Variants in ATRIP observed in about 807,000 individuals in gnomAD.
ATRIP encodes ATR interacting protein.
Under a neutral mutation model 78.1 loss-of-function variants are expected in ATRIP, and 44 were observed. The ratio of observed to expected loss-of-function variants is 0.56; its 90% CI spans 0.44 to 0.72. ATRIP has a LOEUF of 0.72. Ranked by LOEUF, ATRIP falls within the 30% of genes least tolerant of loss-of-function variation. The pLI is 0.00. For missense variants in ATRIP, 927 were observed against 980.2 expected, an observed-to-expected ratio of 0.95 and a Z score of 0.72; for synonymous variants, 388 against 408.9, an observed-to-expected ratio of 0.95 and a Z score of 0.62.
rs370310292 is a variant in ATRIP, at chr3:48,465,468, C to T, written c.2309-19C>T. The T allele has an allele frequency of 6.2e-7, 1 of 1,612,632 alleles. No individual in the cohort carries two copies. Among genetic ancestry groups the T allele is most frequent in the African/African-American group, 1.3e-5 (1 of 74,890 alleles). On this transcript the variant is annotated intron_variant, in intron 12 of 12. Coordinates refer to ENST00000320211, the MANE Select transcript of ATRIP (RefSeq NM_130384.3). ...GGCACCTTTGGGCCCTCACCAGGAA[C>T]CTCTCCTTTTTGTCTCAGAGGCAGC...
chr3:48,462,472 G>A (rs1174051575), intron 8 of ATRIP, among the ~76,000 whole-genome samples: 1 of 152,172 alleles, frequency 6.6e-6, no homozygotes, highest in Non-Finnish European at 1.5e-5. Context: ...AGGAAGCCGA[G>A]GTGGGTGGAT....
intron 4 of ATRIP, 99 bp from the exon 5 acceptor site, chr3:48,457,160 G>C (rs966776830): frequency 1.3e-5 from 15 of 1,176,630 alleles, no homozygotes; most frequent in Non-Finnish European, 1.7e-5. Flanking sequence ...AAAACACCTA[G>C]ACATGAAAAG....
Position 48,466,133 on chromosome 3 carries a change from G to T in ATRIP, c.*579G>T. Reference sequence around the variant, plus strand: ...CCGGGAGCAGGGGAGTGGGTGTGGGGGGGAACGGATGGTGGTGAGAGGGAC... The same window carrying T: ...CCGGGAGCAGGGGAGTGGGTGTGGGTGGGAACGGATGGTGGTGAGAGGGAC... On this transcript the variant is annotated 3_prime_UTR_variant, in exon 13 of 13. Transcript: ENST00000320211. The T allele has an allele frequency of 2.3e-6, 1 of 430,894 alleles. No homozygotes were observed. Among genetic ancestry groups the T allele is most frequent in the South Asian group, 2.1e-5 (1 of 46,582 alleles). The allele number at this position is 430,894 out of a possible 1,614,324, so 26.7% of individuals were successfully genotyped here.
In ATRIP at chr3:48,447,018, A is replaced by T. The variant is rs981049663; in HGVS notation, c.173A>T (p.Asp58Val). ...GGCGCGCATGGGGACTTCACTGCCG[A>T]CGACCTGGAGGAGCTTGACACCCTC... ...PFGAHGDFTADDLEELDTLAS... is the reference protein window; with the variant it reads ...PFGAHGDFTAVDLEELDTLAS... The change falls in exon 1 of 13, where the codon GAC (aspartate) becomes GTC (valine). Residue 58 changes from aspartate (D) to valine (V), a missense_variant. Asp to Val is a radical substitution (Grantham distance 152, BLOSUM62 -3). Transcript: ENST00000320211. 4 of 1,580,932 alleles carry T rather than the reference A, an allele frequency of 2.5e-6. No homozygotes were observed. Among genetic ancestry groups the T allele is most frequent in the Non-Finnish European group, 3.4e-6 (4 of 1,166,480 alleles).
Position 48,459,866 on chromosome 3 carries a change from T to C in ATRIP, c.1005T>C (p.Ser335=). Residue 335 remains serine, a synonymous_variant, in exon 7 of 13, where the codon AGT becomes AGC. Transcript: ENST00000320211. ...TAAGCCTTTGCCACCTCCTGAGTAG[T>C]AGTTCTGAGTCTCCTGCTGGCACCC... ...SSLSLCHLLS[S]SSESPAGTPL... The C allele has an allele frequency of 6.2e-7, 1 of 1,614,024 alleles. No homozygotes were observed. The highest frequency in any genetic ancestry group is 1.7e-5 in the Admixed American group (1 of 59,984).
At chr3:48,451,065 T>G (rs906820636) in intron 2 of ATRIP, among the ~76,000 whole-genome samples, 1 of 151,798 alleles carries the variant, frequency 6.6e-6, no homozygotes, top group Non-Finnish European at 1.5e-5. Context: ...GGCGGGCACC[T>G]GTAATCTCAG....
chr3:48,449,413 C>CA (rs1297709851), intron 1 of ATRIP, among the ~76,000 whole-genome samples: 3,334 of 59,894 alleles, frequency 0.056, 565 homozygotes, highest in African/African-American at 0.22. Context: ...GACTCTGTCT[C>CA]AAAAAAAAAA....
rs754767686 is a variant in ATRIP, at chr3:48,463,728, G to A, written c.1746-17G>A. ...GGGTTGGGGAGTGTCACGTCTCTCT[G>A]GGTCCCTGTCTTTTAGGTTCCAGTG... is the stretch of plus-strand genomic sequence containing the variant. On this transcript the variant is annotated splice_polypyrimidine_tract_variant and intron_variant, in intron 8 of 12. Transcript: ENST00000320211. 1 of 1,613,948 alleles carries A rather than the reference G, an allele frequency of 6.2e-7. No homozygotes were observed. Among genetic ancestry groups the A allele is most frequent in the Admixed American group, 1.7e-5 (1 of 59,974 alleles).
intron 8 of ATRIP, among the ~76,000 whole-genome samples, chr3:48,462,455 G>A (rs984832479): frequency 2.6e-5 from 4 of 152,170 alleles, no homozygotes; most frequent in Non-Finnish European, 5.9e-5. Flanking sequence ...TGTAATCCCA[G>A]CACTTTAGGA....
chr3:48,454,275 C>T lies in ATRIP; in HGVS notation c.553-25C>T, dbSNP rs201086645. On this transcript the variant is annotated intron_variant, in intron 3 of 12. Coordinates refer to ENST00000320211, the MANE Select transcript of ATRIP (RefSeq NM_130384.3). Reference sequence around the variant, plus strand: ...TTTTGTGTATATGATGGGACCACTACAAGCATGTTTCTTTTGCCTTCCAGC... The same window carrying T: ...TTTTGTGTATATGATGGGACCACTATAAGCATGTTTCTTTTGCCTTCCAGC... 325 of 1,433,066 alleles carry T rather than the reference C, an allele frequency of 2.3e-4. 3 individuals carry two copies. In the South Asian group the frequency reaches 2.3e-3, roughly 10 times the overall value. 88.8% of individuals were successfully genotyped at this position (1,433,066 alleles called of 1,614,324 possible).
In ATRIP at chr3:48,466,284, T is replaced by TGCCTG. The variant is rs1575290754; in HGVS notation, c.*730_*731insGCCTG. The TGCCTG allele has an allele frequency of 7.4e-6, 5 of 671,438 alleles. No individual in the cohort carries two copies. In the East Asian group the frequency reaches 1.4e-4, roughly 18 times the overall value. 41.6% of individuals were successfully genotyped at this position (671,438 alleles called of 1,614,324 possible). On this transcript the variant is annotated 3_prime_UTR_variant, in exon 13 of 13. Coordinates refer to ENST00000320211, the MANE Select transcript of ATRIP (RefSeq NM_130384.3). ...GCGGGAGAGTGTGCAGCCGAGTCACTACTGCCTGCCTGCCTGCCTGCTACG... is the reference window on the plus strand; with the variant it reads ...GCGGGAGAGTGTGCAGCCGAGTCACTGCCTGACTGCCTGCCTGCCTGCCTGCTACG...
At position 48,467,266 on chromosome 3, in the gene ATRIP, T is replaced by C; in HGVS notation, c.*1712T>C. On this transcript the variant is annotated 3_prime_UTR_variant, in exon 13 of 13. Transcript: ENST00000320211. Reference sequence around the variant, plus strand: ...ACGGCTGAGGGTGATGTCCTGGCCCTGCTCAGCATCTGTCAGTGGAGACCA... The same window carrying C: ...ACGGCTGAGGGTGATGTCCTGGCCCCGCTCAGCATCTGTCAGTGGAGACCA... 6.2e-7 allele frequency: 1 copy of C among 1,614,180 alleles called. No individual in the cohort carries two copies. The highest frequency in any genetic ancestry group is 8.5e-7 in the Non-Finnish European group (1 of 1,180,030).
rs962768303 is a variant in ATRIP at position 48,465,580 on chromosome 3, G to A, written c.*26G>A. 1 of 1,590,128 alleles carries A rather than the reference G, an allele frequency of 6.3e-7. No homozygotes were observed. Among genetic ancestry groups the A allele is most frequent in the South Asian group, 1.1e-5 (1 of 90,488 alleles). On this transcript the variant is annotated 3_prime_UTR_variant, in exon 13 of 13. Coordinates refer to ENST00000320211, the MANE Select transcript of ATRIP (RefSeq NM_130384.3). ...GGCCCTGAGTGTCCAGCCACATGGTGGCACCAGCACCACTCCTTTCCTTAC... is the reference window on the plus strand; with the variant it reads ...GGCCCTGAGTGTCCAGCCACATGGTAGCACCAGCACCACTCCTTTCCTTAC...
chr3:48,449,457 AC>A (rs1475348293), intron 1 of ATRIP, among the ~76,000 whole-genome samples: 25 of 147,826 alleles, frequency 1.7e-4, no homozygotes, highest in Non-Finnish European at 3.1e-4. Context: ...ATGAGTTTGA[AC>A]CATGTTCTTA....
chr3:48,460,638 G>T lies in ATRIP; in HGVS notation c.1584G>T (p.Gly528=). 6.2e-7 allele frequency: 1 copy of T among 1,614,118 alleles called. No individual in the cohort carries two copies. The highest frequency in any genetic ancestry group is 2.2e-5 in the East Asian group (1 of 44,886). The change falls in exon 8 of 13, where the codon GGG becomes GGT. Residue 528 remains glycine, a synonymous_variant. Coordinates refer to ENST00000320211, the MANE Select transcript of ATRIP (RefSeq NM_130384.3). Reference sequence around the variant, plus strand: ...GAGATATGACCTCAGCCCTAAGGGGGGTTGCTGATGACCAAGGACAGCACC... The same window carrying T: ...GAGATATGACCTCAGCCCTAAGGGGTGTTGCTGATGACCAAGGACAGCACC... ...SDGDMTSALR[G]VADDQGQHPL...
intron 10 of ATRIP, 33 bp from the exon 11 acceptor site, chr3:48,464,549 G>T (rs1294179629): frequency 6.2e-7 from 1 of 1,608,956 alleles, no homozygotes; most frequent in Non-Finnish European, 8.5e-7. Flanking sequence ...GTCTCCTTCT[G>T]CCCAGGATGG....
chr3:48,466,974 C>G lies in ATRIP; in HGVS notation c.*1420C>G. 1.9e-5 allele frequency: 30 copies of G among 1,612,812 alleles called. No homozygotes were observed. The highest frequency in any genetic ancestry group is 2.5e-5 in the Non-Finnish European group (29 of 1,180,036). ...ATGTTTTGATGACAACCTGGCCAAC[C>G]TGCTCCTAGCCTTCCTGCGGCGCCA... is the stretch of plus-strand genomic sequence containing the variant. On this transcript the variant is annotated 3_prime_UTR_variant, in exon 13 of 13. Coordinates refer to ENST00000320211, the MANE Select transcript of ATRIP (RefSeq NM_130384.3).
intron 8 of ATRIP, among the ~76,000 whole-genome samples, chr3:48,463,490 C>T (rs1016876283): frequency 6.6e-6 from 1 of 151,488 alleles, no homozygotes; most frequent in South Asian, 2.1e-4. Flanking sequence ...ACTTCCTGGG[C>T]GATGCTACAC....
chr3:48,466,099 TG>T lies in ATRIP; in HGVS notation c.*549del. ...ACAGCTGTGGATCTTGGAAGGCCTC[TG>T]GGGTCCCCCGGGAGCAGGGGAGTGG... On this transcript the variant is annotated 3_prime_UTR_variant, in exon 13 of 13. Coordinates refer to ENST00000320211, the MANE Select transcript of ATRIP (RefSeq NM_130384.3). 2 of 386,490 alleles carry T rather than the reference TG, an allele frequency of 5.2e-6. No homozygotes were observed. Among genetic ancestry groups the T allele is most frequent in the South Asian group, 4.5e-5 (2 of 43,986 alleles). 23.9% of individuals were successfully genotyped at this position (386,490 alleles called of 1,614,324 possible).
Sources: gnomAD v4.1 joint callset for allele counts (sites outside exome capture counted in the v4.1 genomes callset) on GRCh38, gnomAD v4.1.1 for gene constraint, MANE v1.5 for transcripts, NCBI Gene and HGNC (gene_info 2026-07-23, HGNC 2026-07-21) for gene names.